TMEM132C: variants seen among roughly 807,000 people sequenced by gnomAD.
The protein encoded by TMEM132C is transmembrane protein 132C.
TMEM132C carries 29 observed loss-of-function variants against 61.4 expected under a neutral mutation model. The observed-to-expected ratio is 0.47, with a 90% CI of 0.35 to 0.64. TMEM132C has a LOEUF of 0.64. Among genes scored for constraint, TMEM132C ranks in the 30% least tolerant of loss-of-function variants. The pLI is 0.00. For synonymous variants in TMEM132C, 656 were observed against 633.1 expected, an observed-to-expected ratio of 1.04 and a Z score of -0.54; for missense variants, 1,408 against 1,476.9, an observed-to-expected ratio of 0.95 and a Z score of 0.76.
At chr12:128,512,343 T>C (rs1179227456) in intron 2 of TMEM132C, among the ~76,000 whole-genome samples, 1 of 152,182 alleles carries the variant, frequency 6.6e-6, no homozygotes, top group Non-Finnish European at 1.5e-5. Context: ...TTTTTACCTC[T>C]TTTCTTGTGC....
At chr12:128,293,245 T>A (rs971899972) in intron 1 of TMEM132C, among the ~76,000 whole-genome samples, 1 of 152,220 alleles carries the variant, frequency 6.6e-6, no homozygotes, top group Non-Finnish European at 1.5e-5. Context: ...CTTAATTCCC[T>A]AATCTCAGGG....
chr12:128,644,068 G>A (rs1013965889), intron 4 of TMEM132C, among the ~76,000 whole-genome samples: 5 of 152,168 alleles, frequency 3.3e-5, no homozygotes, highest in East Asian at 1.9e-4. Flanking sequence ...TCCCATGCAC[G>A]ACAAAAGCTA....
intron 5 of TMEM132C, among the ~76,000 whole-genome samples, chr12:128,672,301 C>T (rs1489620847): frequency 6.6e-6 from 1 of 151,972 alleles, no homozygotes; most frequent in Non-Finnish European, 1.5e-5. Context: ...GATTTGCAAG[C>T]CCCCTAAAAG....
chr12:128,342,810 A>G (rs1873020275), intron 1 of TMEM132C, among the ~76,000 whole-genome samples: 3 of 152,146 alleles, frequency 2.0e-5, no homozygotes, highest in African/African-American at 7.2e-5. Flanking sequence ...GTTTCCTATT[A>G]GTGGGCAGAG....
At chr12:128,508,179 G>C (rs945355268) in intron 2 of TMEM132C, among the ~76,000 whole-genome samples, 1 of 152,154 alleles carries the variant, frequency 6.6e-6, no homozygotes, top group Non-Finnish European at 1.5e-5. Flanking sequence ...GGCAGAAGGC[G>C]ATGAGGGAAT....
At chr12:128,304,217 T>G (rs1223049912) in intron 1 of TMEM132C, among the ~76,000 whole-genome samples, 1 of 113,214 alleles carries the variant, frequency 8.8e-6, no homozygotes, top group Non-Finnish European at 2.0e-5. Context: ...ATCTTATTTT[T>G]TTCTTTACCT....
chr12:128,649,891 A>G (rs1056324671), intron 4 of TMEM132C, among the ~76,000 whole-genome samples: 4 of 152,214 alleles, frequency 2.6e-5, no homozygotes, highest in Admixed American at 6.5e-5. Context: ...GCAAATTGAC[A>G]GATAAGTAAA....
At position 128,312,336 on chromosome 12, in the gene TMEM132C, C is replaced by T. The variant is rs1291484049; in HGVS notation, c.85+44849C>T. Among the ~76,000 whole-genome samples the T allele has an allele frequency of 2.6e-5, 4 of 152,252 alleles. No individual in the cohort carries two copies. The Middle Eastern group carries it at 0.01, about 388-fold the overall frequency. On this transcript the variant is annotated intron_variant, in intron 1 of 8. Coordinates refer to ENST00000435159, the MANE Select transcript of TMEM132C (RefSeq NM_001136103.3). Reference sequence around the variant, plus strand: ...GTTTGTTCGTTTTTTGAGACAAGGTCTTGCTCTGTTGCCCAGGCTGGAGTG... The same window carrying T: ...GTTTGTTCGTTTTTTGAGACAAGGTTTTGCTCTGTTGCCCAGGCTGGAGTG...
chr12:128,392,371 A>C (rs770613326), intron 1 of TMEM132C, among the ~76,000 whole-genome samples: 10 of 152,294 alleles, frequency 6.6e-5, no homozygotes, highest in South Asian at 2.1e-4. Context: ...GAAAGAGCTT[A>C]TATTCCAGTT....
chr12:128,582,666 T>C (rs774098717), intron 3 of TMEM132C, among the ~76,000 whole-genome samples: 2 of 152,172 alleles, frequency 1.3e-5, no homozygotes, highest in African/African-American at 2.4e-5. Context: ...TCATTTTCTC[T>C]TGCCACCGCC....
At chr12:128,297,794 A>G (rs534870560) in intron 1 of TMEM132C, among the ~76,000 whole-genome samples, 5 of 152,288 alleles carry the variant, frequency 3.3e-5, no homozygotes, top group Non-Finnish European at 7.4e-5. Flanking sequence ...GTTAAAACCC[A>G]ATCATTTACC....
At chr12:128,341,216 T>G (rs918938645) in intron 1 of TMEM132C, among the ~76,000 whole-genome samples, 1 of 152,134 alleles carries the variant, frequency 6.6e-6, no homozygotes, top group Non-Finnish European at 1.5e-5. Context: ...CTCTGTGCTC[T>G]TTCTTTGGGT....
intron 2 of TMEM132C, among the ~76,000 whole-genome samples, chr12:128,452,486 G>A (rs375378561): frequency 5.1e-4 from 77 of 151,596 alleles, no homozygotes; most frequent in African/African-American, 1.8e-3. Flanking sequence ...CTGGGAGGCC[G>A]GGGTGGGTGG....
chr12:128,555,115 G>T (rs535026010), intron 3 of TMEM132C, among the ~76,000 whole-genome samples: 1 of 152,108 alleles, frequency 6.6e-6, no homozygotes, highest in Non-Finnish European at 1.5e-5. Context: ...AGTAAATCAG[G>T]CAGGTAATAA....
intron 4 of TMEM132C, among the ~76,000 whole-genome samples, chr12:128,616,826 G>C (rs1445756810): frequency 6.6e-6 from 1 of 152,152 alleles, no homozygotes; most frequent in Non-Finnish European, 1.5e-5. Flanking sequence ...AGTGACAATG[G>C]GCTTGAGTAG....
chr12:128,419,040 T>C (rs1004828153), intron 2 of TMEM132C, among the ~76,000 whole-genome samples: 2 of 152,154 alleles, frequency 1.3e-5, no homozygotes, highest in Non-Finnish European at 2.9e-5. Context: ...TGCCAGGCAT[T>C]GTTCTACAGC....
chr12:128,621,964 C>T (rs1415192455), intron 4 of TMEM132C, among the ~76,000 whole-genome samples: 1 of 152,138 alleles, frequency 6.6e-6, no homozygotes, highest in Non-Finnish European at 1.5e-5. Flanking sequence ...GTTCCAGCCA[C>T]GACTCTGAGT....
chr12:128,499,048 A>G (rs1251501107), intron 2 of TMEM132C, among the ~76,000 whole-genome samples: 1 of 152,168 alleles, frequency 6.6e-6, no homozygotes, highest in Non-Finnish European at 1.5e-5. Flanking sequence ...TTTATAGGGA[A>G]ATACAAAGGA....
At chr12:128,666,688 G>A (rs1227140726) in intron 4 of TMEM132C, among the ~76,000 whole-genome samples, 1 of 152,226 alleles carries the variant, frequency 6.6e-6, no homozygotes, top group Non-Finnish European at 1.5e-5. Context: ...CTACCAGTCA[G>A]AAGAGTGGTT....
Sources: allele counts gnomAD v4.1 joint callset (sites outside exome capture counted in the v4.1 genomes callset), GRCh38; gene constraint gnomAD v4.1.1; transcripts MANE v1.5; gene names NCBI Gene and HGNC (gene_info 2026-07-23, HGNC 2026-07-21).